KIAA0319L: variants seen among roughly 807,000 people sequenced by gnomAD.
The protein encoded by KIAA0319L is dyslexia-associated protein KIAA0319-like protein.
A neutral mutation model predicts 120.1 loss-of-function variants in KIAA0319L; 55 were observed. That is an observed-to-expected ratio of 0.46 (90% confidence interval 0.37 to 0.57). The LOEUF is 0.57. Ranked by LOEUF, KIAA0319L falls within the 20% of genes least tolerant of loss-of-function variation. The pLI is 0.00. For missense variants in KIAA0319L, 1,049 were observed against 1,255.3 expected (o/e 0.84, Z 2.48); for synonymous variants, 398 against 471.9 (o/e 0.84, Z 2.03).
At chr1:35,459,347 C>T (rs1411213850) in intron 9 of KIAA0319L, among the ~76,000 whole-genome samples, 1 of 152,152 alleles carries the variant, frequency 6.6e-6, no homozygotes, top group African/African-American at 2.4e-5. Flanking sequence ...TGGCTCACAC[C>T]TGTAATCCCA....
Position 35,442,763 on chromosome 1 carries a change from T to TA in KIAA0319L, c.2779+142dup, listed in dbSNP as rs1641319805. 1.3e-5 allele frequency: 13 copies of TA among 986,976 alleles called. No individual in the cohort carries two copies. In the East Asian group the frequency reaches 3.1e-4, roughly 24 times the overall value. The allele number at this position is 986,976 out of a possible 1,614,324, so 61.1% of individuals were successfully genotyped here. A position where few individuals can be genotyped will look rare whatever the true frequency, so the allele number is the denominator to read the frequency against. On this transcript the variant is annotated intron_variant, in intron 18 of 20. Transcript: ENST00000325722. Reference sequence around the variant, plus strand: ...CTTGAGCAAGTGTGGAGGAAGGAAGTAAAAGTCCTCTGCAAACAGAAAATA... The same window carrying TA: ...CTTGAGCAAGTGTGGAGGAAGGAAGTAAAAAGTCCTCTGCAAACAGAAAATA...
chr1:35,481,680 A>T (rs1159593993), intron 3 of KIAA0319L, among the ~76,000 whole-genome samples: 2 of 152,150 alleles, frequency 1.3e-5, no homozygotes, highest in Non-Finnish European at 2.9e-5. Flanking sequence ...ACAATTTGAT[A>T]AATTTTTATG....
At chr1:35,509,310 C>G (rs959309280) in intron 2 of KIAA0319L, among the ~76,000 whole-genome samples, 6 of 152,132 alleles carry the variant, frequency 3.9e-5, no homozygotes, top group Admixed American at 3.3e-4. Flanking sequence ...TAGGTTGAAA[C>G]TGCATGAGGG....
chr1:35,504,258 G>A (rs933970688), intron 3 of KIAA0319L, among the ~76,000 whole-genome samples: 8 of 151,506 alleles, frequency 5.3e-5, no homozygotes, highest in African/African-American at 9.7e-5. Context: ...GTGCAGTGGC[G>A]CAATCTTCGC....
intron 2 of KIAA0319L, among the ~76,000 whole-genome samples, chr1:35,531,385 C>G (rs920844591): frequency 6.6e-6 from 1 of 152,106 alleles, no homozygotes; most frequent in Non-Finnish European, 1.5e-5. Context: ...TAGGCAGATA[C>G]GAGGGAATGT....
At chr1:35,447,551 G>A (rs950777635) in intron 16 of KIAA0319L, among the ~76,000 whole-genome samples, 28 of 150,176 alleles carry the variant, frequency 1.9e-4, no homozygotes, top group African/African-American at 6.4e-4. Flanking sequence ...GTCAATATAA[G>A]TTTCCTTTTC....
rs557055935 is a variant in KIAA0319L at position 35,475,299 on chromosome 1, T to C, written c.914-393A>G. On this transcript the variant is annotated intron_variant, in intron 4 of 20. Coordinates refer to ENST00000325722, the MANE Select transcript of KIAA0319L (RefSeq NM_024874.5). The stretch of plus-strand genomic sequence containing the variant: ...CTGTCCCTAAGCCCTCCCTATATAC[T>C]ACATTCCACAGAGTTCAAATCCTGT... Among the ~76,000 whole-genome samples, 4 of 152,296 alleles carry C rather than the reference T, an allele frequency of 2.6e-5. No homozygotes were observed. The South Asian group carries it at 8.3e-4, about 32-fold the overall frequency.
chr1:35,469,940 C>T (rs1331747280), intron 6 of KIAA0319L, among the ~76,000 whole-genome samples: 1 of 152,008 alleles, frequency 6.6e-6, no homozygotes, highest in Non-Finnish European at 1.5e-5. Context: ...ATGATCATAG[C>T]TCACTGCAGC....
intron 8 of KIAA0319L, among the ~76,000 whole-genome samples, chr1:35,461,835 C>T (rs922008603): frequency 1.3e-5 from 2 of 152,136 alleles, no homozygotes; most frequent in African/African-American, 2.4e-5. Context: ...ATCCTCCTAG[C>T]CTCCTCTTCT....
intron 2 of KIAA0319L, among the ~76,000 whole-genome samples, chr1:35,551,070 T>C (rs1174961663): frequency 6.6e-6 from 1 of 152,196 alleles, no homozygotes; most frequent in Non-Finnish European, 1.5e-5. Context: ...TCGAAAAATA[T>C]GAATTTTTTT....
chr1:35,507,214 C>T (rs1645239912), intron 2 of KIAA0319L, 79 bp from the exon 3 acceptor site: 8 of 1,380,566 alleles, frequency 5.8e-6, no homozygotes. Context: ...TGAGAACCAA[C>T]ATTTGAGGTT....
intron 2 of KIAA0319L, among the ~76,000 whole-genome samples, chr1:35,538,688 T>C (rs1293001338): frequency 6.6e-6 from 1 of 151,722 alleles, no homozygotes. Flanking sequence ...ACCACAAATA[T>C]TAGGAGAATG....
intron 3 of KIAA0319L, among the ~76,000 whole-genome samples, chr1:35,494,214 C>T (rs919683038): frequency 4.6e-5 from 7 of 151,908 alleles, no homozygotes; most frequent in Non-Finnish European, 8.8e-5. Context: ...TTTGGGAGGC[C>T]GAGAAAGGTG....
intron 3 of KIAA0319L, among the ~76,000 whole-genome samples, chr1:35,490,966 T>C (rs1168304968): frequency 6.6e-6 from 1 of 152,226 alleles, no homozygotes; most frequent in Admixed American, 6.5e-5. Flanking sequence ...ACCATGATTG[T>C]AAGTTTCCTG....
At chr1:35,526,443 A>G (rs1558597071) in intron 2 of KIAA0319L, among the ~76,000 whole-genome samples, 1 of 146,572 alleles carries the variant, frequency 6.8e-6, no homozygotes, top group Non-Finnish European at 1.5e-5. Flanking sequence ...ATATATATAT[A>G]TATATATTTG....
At chr1:35,508,679 T>C (rs888065164) in intron 2 of KIAA0319L, among the ~76,000 whole-genome samples, 1 of 152,092 alleles carries the variant, frequency 6.6e-6, no homozygotes, top group South Asian at 2.1e-4. Context: ...TTTTTATTTA[T>C]CCTTCCACAC....
intron 20 of KIAA0319L, 28 bp from the exon 21 acceptor site, chr1:35,435,109 C>A (rs1437544345): frequency 6.2e-7 from 1 of 1,604,318 alleles, no homozygotes; most frequent in South Asian, 1.1e-5. Flanking sequence ...AATCCAGCAT[C>A]AGGAGACTGG....
intron 2 of KIAA0319L, among the ~76,000 whole-genome samples, chr1:35,519,253 C>T (rs1441300865): frequency 1.3e-5 from 2 of 151,934 alleles, no homozygotes; most frequent in Admixed American, 1.3e-4. Flanking sequence ...CAAACAAAGG[C>T]CCAGAGGCTT....
chr1:35,484,806 A>ATATATAT (rs1381080295), intron 3 of KIAA0319L, among the ~76,000 whole-genome samples: 9 of 86,240 alleles, frequency 1.0e-4, no homozygotes, highest in African/African-American at 3.0e-4. Context: ...ATATATATAT[A>ATATATAT]TTTTTTTTTT....
Sources: allele counts gnomAD v4.1 joint callset (sites outside exome capture counted in the v4.1 genomes callset), GRCh38; gene constraint gnomAD v4.1.1; transcripts MANE v1.5; gene names NCBI Gene and HGNC (gene_info 2026-07-23, HGNC 2026-07-21).